Variants in CCDC7 observed in about 807,000 individuals in gnomAD.
The protein encoded by CCDC7 is coiled-coil domain containing 7, also known as coiled-coil domain-containing protein 7.
CCDC7 carries 183 observed loss-of-function variants against 196.9 expected under a neutral mutation model. That is an observed-to-expected ratio of 0.93 (90% CI 0.82 to 1.05). The LOEUF (loss-of-function observed/expected upper bound fraction) is 1.05. CCDC7 is among the 50% of genes least tolerant of loss of function. The probability of loss-of-function intolerance (pLI) is 0.00; values close to 1 mark genes in which losing one functional copy is unlikely to be tolerated. For missense variants in CCDC7, 1,540 were observed against 1,482.2 expected, an observed-to-expected ratio of 1.04 and a Z score of -0.64; for synonymous variants, 525 against 484.6, an observed-to-expected ratio of 1.08 and a Z score of -1.10.
intron 6 of CCDC7, 115 bp from the exon 8 acceptor site, chr10:32,472,366 A>G (rs1046988863): frequency 1.5e-5 from 14 of 960,594 alleles, no homozygotes; most frequent in Non-Finnish European, 2.0e-5. Flanking sequence ...GATATGTTTA[A>G]TTTTTATTCT....
intron 18 of CCDC7, among the ~76,000 whole-genome samples, chr10:32,591,663 T>A (rs1425382476): frequency 3.9e-5 from 6 of 152,146 alleles, no homozygotes; most frequent in Non-Finnish European, 8.8e-5. Context: ...GAATATCACC[T>A]TCACTAAAAG....
chr10:32,740,340 G>A (rs898758201), intron 28 of CCDC7, among the ~76,000 whole-genome samples: 60 of 152,022 alleles, frequency 3.9e-4, no homozygotes, highest in African/African-American at 1.4e-3. Flanking sequence ...GATATATTTG[G>A]ATTTACATGT....
chr10:32,451,452 C>T (rs911355333), upstream of CCDC7: 2 of 653,726 alleles, frequency 3.1e-6, no homozygotes, highest in South Asian at 3.8e-5. Flanking sequence ...CTCAAAAAAG[C>T]CTGAAGTGTA....
At chr10:32,487,172 G>T (rs1279221439) in intron 8 of CCDC7, among the ~76,000 whole-genome samples, 1 of 152,094 alleles carries the variant, frequency 6.6e-6, no homozygotes, top group East Asian at 1.9e-4. Flanking sequence ...TTTCTTGGAG[G>T]CTTTGTTCGT....
intron 18 of CCDC7, among the ~76,000 whole-genome samples, chr10:32,605,852 G>GAAA (rs2061509257): frequency 6.6e-6 from 1 of 151,970 alleles, no homozygotes; most frequent in Non-Finnish European, 1.5e-5. Context: ...GAAAAGAAAA[G>GAAA]AAAAGAAAAG....
intron 19 of CCDC7, 80 bp from the exon 21 acceptor site, chr10:32,634,977 A>T: frequency 5.0e-6 from 2 of 396,542 alleles, no homozygotes; most frequent in Admixed American, 4.4e-5. Flanking sequence ...TATTCCATTA[A>T]TTTTACACAA....
intron 11 of CCDC7, among the ~76,000 whole-genome samples, chr10:32,537,470 T>G (rs2050709352): frequency 6.6e-6 from 1 of 152,220 alleles, no homozygotes; most frequent in African/African-American, 2.4e-5. Flanking sequence ...TGTTGATAGT[T>G]TCTTTTGTTA....
chr10:32,858,747 C>CAA (rs754823179), intron 41 of CCDC7, among the ~76,000 whole-genome samples: 1 of 147,464 alleles, frequency 6.8e-6, no homozygotes, highest in South Asian at 2.1e-4. Context: ...AAATGGAAAG[C>CAA]AAAAAAAAAC....
intron 18 of CCDC7, among the ~76,000 whole-genome samples, chr10:32,595,686 A>G (rs1590312627): frequency 1.3e-5 from 2 of 152,204 alleles, no homozygotes; most frequent in African/African-American, 4.8e-5. Context: ...ATTTAGTGCT[A>G]TAAATTTTTC....
In CCDC7 at chr10:32,694,861, A is replaced by G. The variant is rs2077510500; in HGVS notation, c.2345-18A>G. The G allele has an allele frequency of 2.1e-6, 3 of 1,461,614 alleles. No individual in the cohort carries two copies. The highest frequency in any genetic ancestry group is 1.4e-5 in the African/African-American group (1 of 71,050). 90.5% of individuals were successfully genotyped at this position (1,461,614 alleles called of 1,614,324 possible). On this transcript the variant is annotated intron_variant, in intron 23 of 41. Coordinates refer to ENST00000639629, the Ensembl canonical transcript of CCDC7. Reference sequence around the variant, plus strand: ...GTCTGTTTTTCCATTAAGAGACTAAATGCATCTCCTTATGTAGCTCATGAT... The same window carrying G: ...GTCTGTTTTTCCATTAAGAGACTAAGTGCATCTCCTTATGTAGCTCATGAT...
chr10:32,624,563 GTC>G (rs2063766194), intron 18 of CCDC7, among the ~76,000 whole-genome samples: 2 of 152,252 alleles, frequency 1.3e-5, no homozygotes, highest in East Asian at 1.9e-4. Flanking sequence ...TGTTGTTTAT[GTC>G]TCTCTCATCT....
intron 41 of CCDC7, among the ~76,000 whole-genome samples, chr10:32,869,941 T>C (rs2094363125): frequency 6.6e-6 from 1 of 152,138 alleles, no homozygotes; most frequent in Non-Finnish European, 1.5e-5. Flanking sequence ...CTCTGTTCTG[T>C]TCCATTGGTC....
chr10:32,503,719 A>T (rs1327055492), intron 9 of CCDC7, among the ~76,000 whole-genome samples: 1 of 152,140 alleles, frequency 6.6e-6, no homozygotes, highest in African/African-American at 2.4e-5. Context: ...TTCTTTAAAT[A>T]TTTGGTAGAA....
At chr10:32,562,196 A>G (rs1045407646) in intron 13 of CCDC7, among the ~76,000 whole-genome samples, 1 of 152,184 alleles carries the variant, frequency 6.6e-6, no homozygotes, top group Non-Finnish European at 1.5e-5. Flanking sequence ...GACCAGATGG[A>G]TTCACAGCCG....
chr10:32,539,177 A>G (rs2050998130), intron 11 of CCDC7, among the ~76,000 whole-genome samples: 1 of 152,014 alleles, frequency 6.6e-6, no homozygotes, highest in African/African-American at 2.4e-5. Context: ...TACTAATTCA[A>G]TTTTGGAAAT....
chr10:32,852,608 A>C (rs1391019307), intron 40 of CCDC7, among the ~76,000 whole-genome samples: 1 of 152,078 alleles, frequency 6.6e-6, no homozygotes, highest in Non-Finnish European at 1.5e-5. Context: ...TGAGAGTTTG[A>C]AACTTTTAAA....
chr10:32,555,308 C>T (rs901353691), intron 13 of CCDC7, among the ~76,000 whole-genome samples: 3 of 149,692 alleles, frequency 2.0e-5, no homozygotes, highest in Non-Finnish European at 3.0e-5. Context: ...TGCAATGGTG[C>T]GATCTCAGCT....
intron 15 of CCDC7, among the ~76,000 whole-genome samples, chr10:32,568,903 T>C (rs181606933): frequency 2.6e-4 from 39 of 152,364 alleles, no homozygotes; most frequent in Non-Finnish European, 4.7e-4. Flanking sequence ...TCTGAAGATA[T>C]CTTCTTTGCT....
At chr10:32,552,189 G>A (rs2053584918) in intron 13 of CCDC7, among the ~76,000 whole-genome samples, 1 of 152,194 alleles carries the variant, frequency 6.6e-6, no homozygotes, top group Admixed American at 6.5e-5. Flanking sequence ...TTGCTTTAAA[G>A]TTTGTTTGTC....
Sources: allele counts gnomAD v4.1 joint callset (sites outside exome capture counted in the v4.1 genomes callset), GRCh38; gene constraint gnomAD v4.1.1; transcripts MANE v1.5; gene names NCBI Gene and HGNC (gene_info 2026-07-23, HGNC 2026-07-21).